The following ANKRD35 variants were observed in gnomAD, a reference collection of about 807,000 sequenced individuals.
The protein encoded by ANKRD35 is ankyrin repeat domain-containing protein 35.
In ANKRD35, 102 loss-of-function variants were observed where a neutral mutation model predicts 109.9. The ratio of observed to expected loss-of-function variants is 0.93; its 90% CI spans 0.79 to 1.09. The LOEUF is 1.09. ANKRD35 is among the 50% of genes least tolerant of loss of function. The pLI, the probability that ANKRD35 is intolerant of heterozygous loss-of-function variation, is 0.00. For synonymous variants in ANKRD35, 515 were observed against 512.4 expected (o/e 1.01, Z -0.07); for missense variants, 1,240 against 1,230.1 (o/e 1.01, Z -0.12).
Position 145,882,780 on chromosome 1 carries a change from T to C in ANKRD35, c.39+2940A>G, listed in dbSNP as rs374413715. 9.2e-4 allele frequency among the ~76,000 whole-genome samples: 140 copies of C among 152,196 alleles called. 1 individual carries two copies. Among genetic ancestry groups the C allele is most frequent in the South Asian group, 8.7e-3 (42 of 4,824 alleles). On this transcript the variant is annotated intron_variant, in intron 1 of 13. Coordinates refer to ENST00000355594, the MANE Select transcript of ANKRD35 (RefSeq NM_144698.5). Reference sequence around the variant, plus strand: ...CAGTCTGTAGCTTACCCCAGCACCTTGGAAAGGAGGCACTAGATTACCATC... The same window carrying C: ...CAGTCTGTAGCTTACCCCAGCACCTCGGAAAGGAGGCACTAGATTACCATC...
chr1:145,873,822 A>C lies in ANKRD35; in HGVS notation c.947T>G (p.Leu316Arg). 2 of 1,610,252 alleles carry C rather than the reference A, an allele frequency of 1.2e-6. No individual in the cohort carries two copies. Among genetic ancestry groups the C allele is most frequent in the South Asian group, 2.2e-5 (2 of 90,604 alleles). The change falls in exon 10 of 14, where the codon CTG (leucine) becomes CGG (arginine). Residue 316 changes from leucine to arginine, a missense_variant. By Grantham distance (102) the Leu-to-Arg change is moderately radical. Coordinates refer to ENST00000355594, the MANE Select transcript of ANKRD35 (RefSeq NM_144698.5). ...RRKVVRLEQE[L>R]VQKTEECKTQ... ...CTTACACTCTTCTGTCTTTTGCACC[A>C]GCTCCTGCTCCAGCCGAACAACTTT...
chr1:145,873,385 CAGGCAGCTGGTCAGCATGATCAGG>C lies in ANKRD35; in HGVS notation c.1360_1383del (p.Pro454_Pro461del). 6.2e-7 allele frequency: 1 copy of C among 1,614,222 alleles called. No individual in the cohort carries two copies. Among genetic ancestry groups the C allele is most frequent in the Non-Finnish European group, 8.5e-7 (1 of 1,180,036 alleles). On this transcript the variant is annotated inframe_deletion, in exon 10 of 14. Coordinates refer to ENST00000355594, the MANE Select transcript of ANKRD35 (RefSeq NM_144698.5). Reference sequence around the variant, plus strand: ...ACCTGGGAACTCTCCTTCTGACCAGCAGGCAGCTGGTCAGCATGATCAGGGCCAAAGGTCTGTGCCCCATTGGTA... The same window carrying C: ...ACCTGGGAACTCTCCTTCTGACCAGCGCCAAAGGTCTGTGCCCCATTGGTA...
chr1:145,877,358 G>A (rs587716986), intron 4 of ANKRD35, among the ~76,000 whole-genome samples: 8 of 151,330 alleles, frequency 5.3e-5, no homozygotes, highest in South Asian at 2.1e-4. Flanking sequence ...TCAGCCTCCC[G>A]AGTAACTGGG....
In ANKRD35 at chr1:145,872,137, G is replaced by A. The variant is rs1553738797; in HGVS notation, c.2632C>T (p.Arg878Cys). 3.1e-6 allele frequency: 5 copies of A among 1,608,880 alleles called. No homozygotes were observed. Among genetic ancestry groups the A allele is most frequent in the Non-Finnish European group, 4.2e-6 (5 of 1,178,074 alleles). ...GRLREAVAEE[R>C]RRSGDLAAQA... The stretch of plus-strand genomic sequence containing the variant: ...GCGGCCAGGTCCCCGCTCCGGCGGC[G>A]CTCCTCGGCCACCGCCTCCCGCAGC... The change falls in exon 10 of 14, where the codon CGC becomes TGC. Residue 878 changes from arginine to cysteine, a missense_variant. Arg to Cys is a radical substitution (Grantham distance 180, BLOSUM62 -3). Transcript: ENST00000355594.
chr1:145,881,219 A>C (rs988476646), intron 1 of ANKRD35, among the ~76,000 whole-genome samples: 18 of 152,288 alleles, frequency 1.2e-4, no homozygotes, highest in Admixed American at 1.2e-3. Flanking sequence ...TGGGAAGTGG[A>C]GGTTGCAGTG....
chr1:145,875,415 G>C (rs782032513), intron 7 of ANKRD35, among the ~76,000 whole-genome samples: 1 of 152,160 alleles, frequency 6.6e-6, no homozygotes, highest in African/African-American at 2.4e-5. Context: ...AAAGTGCTGG[G>C]ATTACAGGTA....
At chr1:145,880,244 A>G (rs1654237696) in intron 1 of ANKRD35, among the ~76,000 whole-genome samples, 1 of 152,182 alleles carries the variant, frequency 6.6e-6, no homozygotes, top group South Asian at 2.1e-4. Context: ...GGCATAAAAG[A>G]GACAGCTATG....
At chr1:145,878,203 G>T (rs1405490855) in intron 3 of ANKRD35, among the ~76,000 whole-genome samples, 171 bp from the exon 4 acceptor site, 4 of 152,186 alleles carry the variant, frequency 2.6e-5, no homozygotes, top group Non-Finnish European at 5.9e-5. Context: ...TGTGATGAAG[G>T]TGGGAGTGGG....
chr1:145,872,785 C>T lies in ANKRD35; in HGVS notation c.1984G>A (p.Ala662Thr). ...CGCAACTGCTGTAGCTGGACCTGCG[C>T]CTGTGGCTTGGGCACAAACTCCCGC... ...LQREFVPKPQ[A>T]QVQLQQLRQS... Residue 662 changes from alanine to threonine, a missense_variant, in exon 10 of 14, where the codon GCG (alanine) becomes ACG (threonine). Transcript: ENST00000355594. 6.2e-7 allele frequency: 1 copy of T among 1,614,090 alleles called. No homozygotes were observed. Among genetic ancestry groups the T allele is most frequent in the Non-Finnish European group, 8.5e-7 (1 of 1,179,974 alleles).
In ANKRD35 at chr1:145,881,970, T is replaced by TC. The variant is rs1553741175; in HGVS notation, c.40-2583_40-2582insG. Among the ~76,000 whole-genome samples, 31 of 146,226 alleles carry TC rather than the reference T, an allele frequency of 2.1e-4. 1 individual carries two copies. Among genetic ancestry groups the TC allele is most frequent in the Admixed American group, 6.7e-5 (1 of 14,838 alleles). On this transcript the variant is annotated intron_variant, in intron 1 of 13. Coordinates refer to ENST00000355594, the MANE Select transcript of ANKRD35 (RefSeq NM_144698.5). Reference sequence around the variant, plus strand: ...CCTTCTTTTTTTTTTTTTTTTTTTTTTTGAGACAGAGTCTTGCTCTGTCGC... The same window carrying TC: ...CCTTCTTTTTTTTTTTTTTTTTTTTTCTTGAGACAGAGTCTTGCTCTGTCGC...
chr1:145,876,274 G>A, intron 6 of ANKRD35, 28 bp from the exon 7 acceptor site: 2 of 1,595,786 alleles, frequency 1.3e-6, no homozygotes, highest in Non-Finnish European at 1.7e-6. Flanking sequence ...AGAGGTTCAT[G>A]AGCAGCCAGG....
intron 1 of ANKRD35, among the ~76,000 whole-genome samples, chr1:145,881,822 C>A (rs1478194854): frequency 3.3e-5 from 5 of 152,106 alleles, no homozygotes; most frequent in Non-Finnish European, 7.4e-5. Context: ...TTTAGATGTT[C>A]CTGGGCTCAG....
At chr1:145,883,076 A>ATTTTTTTTTTTTTTTTTTTTTTTTTT (rs34686883) in intron 1 of ANKRD35, among the ~76,000 whole-genome samples, 1 of 83,428 alleles carries the variant, frequency 1.2e-5, no homozygotes, top group African/African-American at 4.2e-5. Context: ...GACAGTACCA[A>ATTTTTTTTTTTTTTTTTTTTTTTTTT]TTTTTTTTTT....
Position 145,876,232 on chromosome 1 carries a change from G to C in ANKRD35, c.468C>G (p.Pro156=), listed in dbSNP as rs1654067094. Reference sequence around the variant, plus strand: ...GCCCACCCAGCGATGCGATCATCAGGGGTGTACGTCCATCCTGCACAGATT... The same window carrying C: ...GCCCACCCAGCGATGCGATCATCAGCGGTGTACGTCCATCCTGCACAGATT... The part of the protein sequence containing the change: ...LDVLDNDGRT[P]LMIASLGGHA... The change falls in exon 7 of 14, where the codon CCC becomes CCG. Residue 156 remains proline, a synonymous_variant. Transcript: ENST00000355594. 1 of 1,613,792 alleles carries C rather than the reference G, an allele frequency of 6.2e-7. No homozygotes were observed.
chr1:145,872,553 C>A lies in ANKRD35; in HGVS notation c.2216G>T (p.Arg739Leu). 2 of 1,609,552 alleles carry A rather than the reference C, an allele frequency of 1.2e-6. No individual in the cohort carries two copies. Among genetic ancestry groups the A allele is most frequent in the Non-Finnish European group, 1.7e-6 (2 of 1,177,924 alleles). ...LRACISTLVD[R>L]HREAQQVLAR... ...CAGCACCTGCTGGGCCTCCCGGTGC[C>A]GATCCACCAGGGTGCTGATGCAGGC... Residue 739 changes from arginine to leucine, a missense_variant, in exon 10 of 14, where the codon CGG becomes CTG. By Grantham distance (102) the Arg-to-Leu change is moderately radical. Transcript: ENST00000355594.
At chr1:145,868,683 CCTTA>C (rs1481773178) in intron 10 of ANKRD35, among the ~76,000 whole-genome samples, 11 of 152,332 alleles carry the variant, frequency 7.2e-5, no homozygotes, top group African/African-American at 2.6e-4. Context: ...TCTGGACTTT[CCTTA>C]CTTGTCAGTT....
intron 4 of ANKRD35, among the ~76,000 whole-genome samples, chr1:145,877,589 C>T (rs1412114725): frequency 6.6e-6 from 1 of 152,204 alleles, no homozygotes; most frequent in African/African-American, 2.4e-5. Flanking sequence ...TGTCATTTTA[C>T]ATGTATATTT....
intron 1 of ANKRD35, among the ~76,000 whole-genome samples, chr1:145,880,374 C>T (rs972185859): frequency 1.3e-5 from 2 of 152,200 alleles, no homozygotes; most frequent in Non-Finnish European, 2.9e-5. Context: ...ACAAATATTT[C>T]GCTGGCTGGC....
intron 4 of ANKRD35, 135 bp downstream of exon 4, chr1:145,877,833 A>G: frequency 2.5e-6 from 2 of 794,846 alleles, no homozygotes; most frequent in Non-Finnish European, 4.1e-6. Context: ...TGGCAAACAA[A>G]TGATTATCAG....
Sources: gnomAD v4.1 joint callset for allele counts (sites outside exome capture counted in the v4.1 genomes callset) on GRCh38, gnomAD v4.1.1 for gene constraint, MANE v1.5 for transcripts, NCBI Gene and HGNC (gene_info 2026-07-23, HGNC 2026-07-21) for gene names.